Variants in ATP1A1 observed in about 807,000 individuals in gnomAD.
The protein encoded by ATP1A1 is ATPase Na+/K+ transporting subunit alpha 1.
A neutral mutation model predicts 114.8 loss-of-function variants in ATP1A1; 14 were observed. The ratio of observed to expected loss-of-function variants is 0.12; its 90% CI spans 0.08 to 0.19. The LOEUF (loss-of-function observed/expected upper bound fraction) is 0.19. Ranked by LOEUF, ATP1A1 falls within the 10% of genes least tolerant of loss-of-function variation. ATP1A1 has a pLI of 1.00. For synonymous variants in ATP1A1, 471 were observed against 466.3 expected, an observed-to-expected ratio of 1.01 and a Z score of -0.13; for missense variants, 524 against 1,290.7, an observed-to-expected ratio of 0.41 and a Z score of 9.10.
At position 116,404,061 on chromosome 1, in the gene ATP1A1, AG is replaced by A. The variant is rs1653770089; in HGVS notation, c.3043+88del. Reference sequence around the variant, plus strand: ...GTTTTTTGTTTCCCTCAAGGTGTCTAGGCTCCCTCAGTGGTCAGTCTGATTA... The same window carrying A: ...GTTTTTTGTTTCCCTCAAGGTGTCTAGCTCCCTCAGTGGTCAGTCTGATTA... On this transcript the variant is annotated intron_variant, in intron 22 of 22. Coordinates refer to ENST00000295598, the MANE Select transcript of ATP1A1 (RefSeq NM_000701.8). This position sits in a 1 kb window ranked among gnomAD's most constrained non-coding sequence, Gnocchi z 4.8. 2 of 1,312,268 alleles carry A rather than the reference AG, an allele frequency of 1.5e-6. No homozygotes were observed. Among genetic ancestry groups the A allele is most frequent in the East Asian group, 4.6e-5 (2 of 43,382 alleles). 81.3% of individuals were successfully genotyped at this position (1,312,268 alleles called of 1,614,324 possible).
Position 116,404,328 on chromosome 1 carries a change from G to A in ATP1A1, c.3044-88G>A, listed in dbSNP as rs1653788405. 2.0e-6 allele frequency: 3 copies of A among 1,536,862 alleles called. No homozygotes were observed. Among genetic ancestry groups the A allele is most frequent in the Non-Finnish European group, 2.7e-6 (3 of 1,113,824 alleles). On this transcript the variant is annotated intron_variant, in intron 22 of 22. Transcript: ENST00000295598. This position sits in a 1 kb window ranked among gnomAD's most constrained non-coding sequence, Gnocchi z 4.8. The stretch of plus-strand genomic sequence containing the variant: ...CACACCCGACCCCCATCATCCTCCG[G>A]TTGGTTTTCATCCCTGTTTCCCTCT...
Position 116,387,087 on chromosome 1 carries a change from T to C in ATP1A1, c.184-201T>C, listed in dbSNP as rs1001817860. ...GGGTGTTATGAGTTCCTTGGGCCTA[T>C]TGTTTGCCTGAACCCTGTGGGGACT... On this transcript the variant is annotated intron_variant, in intron 3 of 22. Transcript: ENST00000295598. The surrounding 1 kb of genome is among the most constrained non-coding windows in gnomAD (Gnocchi z 6.7). Among the ~76,000 whole-genome samples the C allele has an allele frequency of 6.6e-6, 1 of 152,198 alleles. No homozygotes were observed. Among genetic ancestry groups the C allele is most frequent in the Non-Finnish European group, 1.5e-5 (1 of 68,032 alleles).
In ATP1A1 at chr1:116,401,576, C is replaced by T; in HGVS notation, c.2872C>T (p.Leu958Phe). The T allele has an allele frequency of 6.2e-7, 1 of 1,614,188 alleles. No homozygotes were observed. The highest frequency in any genetic ancestry group is 8.5e-7 in the Non-Finnish European group (1 of 1,180,034). Residue 958 changes from leucine to phenylalanine, a missense_variant, in exon 21 of 23, where the codon CTC becomes TTC. Leu to Phe is a conservative substitution (Grantham distance 22). Transcript: ENST00000295598. This position sits in a 1 kb window ranked among gnomAD's most constrained non-coding sequence, Gnocchi z 4.7. Reference protein sequence around the residue: ...GMKNKILIFGLFEETALAAFL... With the variant: ...GMKNKILIFGFFEETALAAFL... ...TAGGAACAAGATCTTGATATTTGGC[C>T]TCTTTGAAGAGACAGCCCTGGCTGC... is the stretch of plus-strand genomic sequence containing the variant.
rs759690387 is a variant in ATP1A1 at position 116,392,840 on chromosome 1, GTC to G, written c.1333-10_1333-9del. ...TTTTTGGAGATAATTTACAGATGAT[GTC>G]TCTGTTCACAGCGGGCAGTTGCAGG... On this transcript the variant is annotated splice_polypyrimidine_tract_variant and intron_variant, in intron 10 of 22. Transcript: ENST00000295598. 62 of 1,595,612 alleles carry G rather than the reference GTC, an allele frequency of 3.9e-5. No individual in the cohort carries two copies. Among genetic ancestry groups the G allele is most frequent in the Non-Finnish European group, 5.3e-5 (62 of 1,171,768 alleles).
rs11540956 is a variant in ATP1A1 at position 116,390,299 on chromosome 1, G to A, written c.1110G>A (p.Thr370=). 58,593 of 1,613,880 alleles carry A rather than the reference G, an allele frequency of 0.036. 2,448 individuals carry two copies. The highest frequency in any genetic ancestry group is 0.21 in the African/African-American group (15,799 of 74,894). ...NLEAVETLGS[T]STICSDKTGT... is the part of the protein sequence containing the mutation. ...AAGCTGTGGAGACCTTGGGGTCCAC[G>A]TCCACCATCTGCTCTGATAAAACTG... The change falls in exon 9 of 23, where the codon ACG becomes ACA. Residue 370 remains threonine (T), a synonymous_variant. Transcript: ENST00000295598.
intron 14 of ATP1A1, 87 bp downstream of exon 14, chr1:116,396,821 G>A: frequency 1.4e-6 from 2 of 1,432,376 alleles, no homozygotes; most frequent in Non-Finnish European, 1.8e-6. Flanking sequence ...ATAATGGTTT[G>A]CATCTAGGCT....
Position 116,388,027 on chromosome 1 carries a change from G to T in ATP1A1, c.388-104G>T. 1 of 726,060 alleles carries T rather than the reference G, an allele frequency of 1.4e-6. No homozygotes were observed. Among genetic ancestry groups the T allele is most frequent in the East Asian group, 2.7e-5 (1 of 37,642 alleles). 45.0% of individuals were successfully genotyped at this position (726,060 alleles called of 1,614,324 possible). ...ATGAGTTCTATATTTCTGAAATCTT[G>T]GTTTCTCTATTAAAAATCTGTTTTT... On this transcript the variant is annotated intron_variant, in intron 4 of 22. Coordinates refer to ENST00000295598, the MANE Select transcript of ATP1A1 (RefSeq NM_000701.8). This position sits in a 1 kb window ranked among gnomAD's most constrained non-coding sequence, Gnocchi z 5.6.
At position 116,398,070 on chromosome 1, in the gene ATP1A1, G is replaced by A. The variant is rs1362393356; in HGVS notation, c.2124+32G>A. On this transcript the variant is annotated intron_variant, in intron 15 of 22. Transcript: ENST00000295598. The surrounding 1 kb of genome is among the most constrained non-coding windows in gnomAD (Gnocchi z 6.1). ...CAGCACAAGGATCAGGCTGCTTTGGGCACTATTGGCTTTAGGGATTGGAGT... is the reference window on the plus strand; with the variant it reads ...CAGCACAAGGATCAGGCTGCTTTGGACACTATTGGCTTTAGGGATTGGAGT... 6 of 1,610,898 alleles carry A rather than the reference G, an allele frequency of 3.7e-6. No individual in the cohort carries two copies. The highest frequency in any genetic ancestry group is 4.2e-6 in the Non-Finnish European group (5 of 1,178,342).
chr1:116,394,030 A>C (rs913887809), intron 12 of ATP1A1, among the ~76,000 whole-genome samples: 1 of 152,152 alleles, frequency 6.6e-6, no homozygotes, highest in Admixed American at 6.5e-5. Flanking sequence ...TGGTGGAAGA[A>C]TATCTTTCTT....
At position 116,383,117 on chromosome 1, in the gene ATP1A1, C is replaced by T. The variant is rs573166946; in HGVS notation, c.13-897C>T. Among the ~76,000 whole-genome samples, 5 of 152,224 alleles carry T rather than the reference C, an allele frequency of 3.3e-5. No individual in the cohort carries two copies. The South Asian group carries it at 6.2e-4, about 19-fold the overall frequency. On this transcript the variant is annotated intron_variant, in intron 1 of 22. Transcript: ENST00000295598. ...TCAACATTTTCTTTAAAAATTGTTC[C>T]AGTTTTCAAGAGGCGTAGGTGGATC...
At chr1:116,403,798 C>A in intron 21 of ATP1A1, 86 bp from the exon 22 acceptor site, 1 of 1,174,992 alleles carries the variant, frequency 8.5e-7, no homozygotes, top group Non-Finnish European at 1.2e-6. Flanking sequence ...CTGATTATTT[C>A]ATTGTCACTG....
In ATP1A1 at chr1:116,404,091, A is replaced by G; in HGVS notation, c.3043+116A>G. 4 of 1,003,152 alleles carry G rather than the reference A, an allele frequency of 4.0e-6. No homozygotes were observed. The highest frequency in any genetic ancestry group is 4.5e-6 in the Non-Finnish European group (3 of 669,750). 62.1% of individuals were successfully genotyped at this position (1,003,152 alleles called of 1,614,324 possible). On this transcript the variant is annotated intron_variant, in intron 22 of 22. Coordinates refer to ENST00000295598, the MANE Select transcript of ATP1A1 (RefSeq NM_000701.8). This position sits in a 1 kb window ranked among gnomAD's most constrained non-coding sequence, Gnocchi z 4.8. ...CCCTCAGTGGTCAGTCTGATTAGCTAAGGTGACTGGACCAGCAAACTGACC... is the reference window on the plus strand; with the variant it reads ...CCCTCAGTGGTCAGTCTGATTAGCTGAGGTGACTGGACCAGCAAACTGACC...
chr1:116,375,171 G>A (rs1159503405), intron 1 of ATP1A1, among the ~76,000 whole-genome samples: 7 of 152,184 alleles, frequency 4.6e-5, no homozygotes, highest in Non-Finnish European at 8.8e-5. Flanking sequence ...ATTTTGGGGG[G>A]TTTAGACATC....
At position 116,373,463 on chromosome 1, in the gene ATP1A1, C is replaced by CT. The variant is rs138094130; in HGVS notation, c.-48dup. On this transcript the variant is annotated 5_prime_UTR_variant, in exon 1 of 23. Coordinates refer to ENST00000295598, the MANE Select transcript of ATP1A1 (RefSeq NM_000701.8). ...CGGGAGCTGCTCTGTGCTTTTCTCT[C>CT]TGATTCTCCAGCGACAGGACCCGGC... The CT allele has an allele frequency of 1.9e-3, 2,831 of 1,509,168 alleles. 39 individuals are homozygous for CT. In the African/African-American group the frequency reaches 0.032, roughly 17 times the overall value. The allele number at this position is 1,509,168 out of a possible 1,614,324, so 93.5% of individuals were successfully genotyped here.
chr1:116,374,384 C>A (rs1208542471), intron 1 of ATP1A1: 3 of 1,244,862 alleles, frequency 2.4e-6, no homozygotes, highest in African/African-American at 1.5e-5. Context: ...GGCAGACCCA[C>A]CAGGGCCTCA....
chr1:116,402,582 C>G (rs1557795841), intron 21 of ATP1A1, among the ~76,000 whole-genome samples: 1 of 152,176 alleles, frequency 6.6e-6, no homozygotes, highest in Non-Finnish European at 1.5e-5. Context: ...GACTGGCATC[C>G]AGAGTCAGTC....
chr1:116,396,473 G>A, intron 13 of ATP1A1, 125 bp from the exon 14 acceptor site: 1 of 1,215,594 alleles, frequency 8.2e-7, no homozygotes, highest in African/African-American at 1.6e-5. Flanking sequence ...TTTTATATTT[G>A]CATTCCTTTC....
intron 1 of ATP1A1, 66 bp downstream of exon 1, chr1:116,373,589 G>T: frequency 2.2e-6 from 3 of 1,346,730 alleles, no homozygotes; most frequent in Non-Finnish European, 2.9e-6. Flanking sequence ...AGGAAGTCGG[G>T]AGGGCGACCG....
rs917072836 is a variant in ATP1A1 at position 116,401,547 on chromosome 1, A to G, written c.2850-7A>G. On this transcript the variant is annotated splice_polypyrimidine_tract_variant and splice_region_variant and intron_variant, in intron 20 of 22. Transcript: ENST00000295598. The surrounding 1 kb of genome is among the most constrained non-coding windows in gnomAD (Gnocchi z 4.7). ...TTTAAGTTTTTTCTCCCCTACTTTG[A>G]TTTTAGGAACAAGATCTTGATATTT... The G allele has an allele frequency of 1.2e-6, 2 of 1,613,696 alleles. No homozygotes were observed. The highest frequency in any genetic ancestry group is 1.3e-5 in the African/African-American group (1 of 75,000).
Sources: allele counts gnomAD v4.1 joint callset (sites outside exome capture counted in the v4.1 genomes callset), GRCh38; gene constraint gnomAD v4.1.1; non-coding constraint Gnocchi (gnomAD v3.1); transcripts MANE v1.5; gene names NCBI Gene and HGNC (gene_info 2026-07-23, HGNC 2026-07-21).